The following AKAP1 variants were observed in gnomAD, a reference collection of about 807,000 sequenced individuals.
AKAP1 encodes A-kinase anchoring protein 1.
A neutral mutation model predicts 79.8 loss-of-function variants in AKAP1; 32 were observed. The ratio of observed to expected loss-of-function variants is 0.40; its 90% CI spans 0.30 to 0.54. AKAP1 has a LOEUF of 0.54. Among genes scored for constraint, AKAP1 ranks in the 20% least tolerant of loss-of-function variants. AKAP1 has a pLI of 0.47. For missense variants in AKAP1, 961 were observed against 1,138.9 expected, an observed-to-expected ratio of 0.84 and a Z score of 2.25; for synonymous variants, 416 against 466.7, an observed-to-expected ratio of 0.89 and a Z score of 1.40.
intron 2 of AKAP1, among the ~76,000 whole-genome samples, 169 bp downstream of exon 2, chr17:57,107,347 A>C (rs977678625): frequency 6.6e-6 from 1 of 152,146 alleles, no homozygotes; most frequent in African/African-American, 2.4e-5. Context: ...CTGGTGGGTA[A>C]CTGAGGAGTT....
chr17:57,114,382 C>G (rs1915446793), intron 5 of AKAP1, 77 bp from the exon 6 acceptor site: 1 of 1,538,114 alleles, frequency 6.5e-7, no homozygotes. Flanking sequence ...CAGAGACTTG[C>G]CCTTGGGTCT....
At chr17:57,116,520 A>C (rs1358194150) in intron 7 of AKAP1, among the ~76,000 whole-genome samples, 1 of 152,216 alleles carries the variant, frequency 6.6e-6, no homozygotes, top group Non-Finnish European at 1.5e-5. Flanking sequence ...GGCCTGCTGC[A>C]AATCCCAGCG....
chr17:57,099,851 G>A (rs1208205341), intron 1 of AKAP1, among the ~76,000 whole-genome samples: 1 of 152,148 alleles, frequency 6.6e-6, no homozygotes, highest in Admixed American at 6.5e-5. Flanking sequence ...ACTGGGTATG[G>A]GTGGCCCAGG....
rs376035654 is a variant in AKAP1 at position 57,106,584 on chromosome 17, C to T, written c.1120C>T (p.Arg374Cys). 7.0e-5 allele frequency: 113 copies of T among 1,614,024 alleles called. No homozygotes were observed. The highest frequency in any genetic ancestry group is 1.7e-5 in the Non-Finnish European group (20 of 1,180,038). ...CACCACGGTTGGCAAGGTTGCAGGT[C>T]GTGTGTGTCAGGCCAGTCAGCTCCA... ...LATTVGKVAG[R>C]VCQASQLQGQ... Residue 374 changes from arginine to cysteine, a missense_variant, in exon 2 of 11, where the codon CGT becomes TGT. Coordinates refer to ENST00000337714, the MANE Select transcript of AKAP1 (RefSeq NM_003488.4).
At chr17:57,101,198 A>C (rs186818045) in intron 1 of AKAP1, among the ~76,000 whole-genome samples, 2 of 152,268 alleles carry the variant, frequency 1.3e-5, no homozygotes, top group Admixed American at 1.3e-4. Flanking sequence ...GTTATTACAG[A>C]ACAGTGATTC....
Position 57,111,858 on chromosome 17 carries a change from T to G in AKAP1, c.1909T>G (p.Ser637Ala), listed in dbSNP as rs778264686. The G allele has an allele frequency of 1.2e-6, 2 of 1,613,850 alleles. No homozygotes were observed. Among genetic ancestry groups the G allele is most frequent in the Non-Finnish European group, 1.7e-6 (2 of 1,179,956 alleles). ...CTATGTGAGTTTTCTGAAGCAAACA[T>G]CTGGTGCCAAGATCTACATTTCAAC... ...GRYVSFLKQTSGAKIYISTLP... is the reference protein window; with the variant it reads ...GRYVSFLKQTAGAKIYISTLP... Residue 637 changes from serine to alanine, a missense_variant, in exon 4 of 11, where the codon TCT becomes GCT. Transcript: ENST00000337714.
intron 8 of AKAP1, among the ~76,000 whole-genome samples, chr17:57,117,408 A>G (rs1915653561): frequency 6.6e-6 from 1 of 152,060 alleles, no homozygotes; most frequent in African/African-American, 2.4e-5. Flanking sequence ...GAACATGGGA[A>G]TGGTACCTGT....
chr17:57,110,271 G>A, intron 3 of AKAP1, 113 bp downstream of exon 3: 1 of 1,446,618 alleles, frequency 6.9e-7, no homozygotes, highest in East Asian at 2.3e-5. Context: ...AAACCAGAAG[G>A]AGCCCTGGGT....
chr17:57,087,663 CT>C (rs1459395508), intron 1 of AKAP1, among the ~76,000 whole-genome samples: 1 of 152,186 alleles, frequency 6.6e-6, no homozygotes, highest in African/African-American at 2.4e-5. Context: ...CTGAGACTGA[CT>C]TTGTTTCTCT....
chr17:57,106,742 A>T lies in AKAP1; in HGVS notation c.1278A>T (p.Ala426=). 3 of 1,614,026 alleles carry T rather than the reference A, an allele frequency of 1.9e-6. No individual in the cohort carries two copies. The highest frequency in any genetic ancestry group is 2.5e-6 in the Non-Finnish European group (3 of 1,180,030). ...GCCTCCCCTTGCCAGGCCTACCAGC[A>T]GAGGGCTCACCACCACCAAAGACCT... The part of the protein sequence containing the change: ...DAGLPLPGLP[A]EGSPPPKTYV... Residue 426 remains alanine (A), a synonymous_variant, in exon 2 of 11, where the codon GCA becomes GCT. Coordinates refer to ENST00000337714, the MANE Select transcript of AKAP1 (RefSeq NM_003488.4).
chr17:57,094,773 A>G (rs1427515933), intron 1 of AKAP1: 1 of 151,738 alleles, frequency 6.6e-6, no homozygotes, highest in Non-Finnish European at 1.5e-5. Context: ...ACTATGCCCG[A>G]CTAATTCTTT....
chr17:57,118,472 G>A lies in AKAP1; in HGVS notation c.2574+18G>A, dbSNP rs1915724876. On this transcript the variant is annotated intron_variant, in intron 9 of 10. Transcript: ENST00000337714. ...TTGCTCAGGTGTGTGGTTGGCAGGG[G>A]TGGGGGAGGCAGGCTGGCTGGGTTC... 1 of 1,613,412 alleles carries A rather than the reference G, an allele frequency of 6.2e-7. No homozygotes were observed. Among genetic ancestry groups the A allele is most frequent in the South Asian group, 1.1e-5 (1 of 91,074 alleles).
At chr17:57,088,652 T>C (rs1913599643) in intron 1 of AKAP1, among the ~76,000 whole-genome samples, 1 of 152,244 alleles carries the variant, frequency 6.6e-6, no homozygotes, top group African/African-American at 2.4e-5. Flanking sequence ...TTTCTCCTAA[T>C]CTTTCTGCTG....
At chr17:57,085,845 C>T (rs1913410500) in intron 1 of AKAP1, 1 of 152,846 alleles carries the variant, frequency 6.5e-6, no homozygotes, top group Admixed American at 6.5e-5. Flanking sequence ...CGCCCAGCCC[C>T]GCGGGCGTTT....
At chr17:57,111,349 G>T (rs1915235158) in intron 3 of AKAP1, among the ~76,000 whole-genome samples, 1 of 152,350 alleles carries the variant, frequency 6.6e-6, no homozygotes, top group Non-Finnish European at 1.5e-5. Flanking sequence ...TTTATCTTTG[G>T]ATCTGAGTAG....
Position 57,105,716 on chromosome 17 carries a change from C to T in AKAP1, c.252C>T (p.Thr84=), listed in dbSNP as rs765205035. 18 of 1,614,170 alleles carry T rather than the reference C, an allele frequency of 1.1e-5. No individual in the cohort carries two copies. The South Asian group carries it at 1.2e-4, about 11-fold the overall frequency. Residue 84 remains threonine, a synonymous_variant, in exon 2 of 11, where the codon ACC becomes ACT. Coordinates refer to ENST00000337714, the MANE Select transcript of AKAP1 (RefSeq NM_003488.4). ...VTEPPEKELS[T]VSKLPAEPPA... ...AGCCTCCAGAAAAGGAACTGTCCACCGTGAGCAAGCTGCCTGCAGAGCCCC... is the reference window on the plus strand; with the variant it reads ...AGCCTCCAGAAAAGGAACTGTCCACTGTGAGCAAGCTGCCTGCAGAGCCCC...
At chr17:57,110,812 A>T (rs1374581414) in intron 3 of AKAP1, among the ~76,000 whole-genome samples, 1 of 152,210 alleles carries the variant, frequency 6.6e-6, no homozygotes, top group East Asian at 1.9e-4. Flanking sequence ...AGTTTACTTC[A>T]TCAGTCCCCC....
chr17:57,117,864 G>C (rs1376658351), intron 8 of AKAP1, among the ~76,000 whole-genome samples: 1 of 152,136 alleles, frequency 6.6e-6, no homozygotes, highest in Non-Finnish European at 1.5e-5. Context: ...GCTGAATGCT[G>C]CCGCAGCGCC....
At chr17:57,085,711 C>G (rs1475885368) in intron 1 of AKAP1, 1 of 152,330 alleles carries the variant, frequency 6.6e-6, no homozygotes, top group African/African-American at 2.4e-5. Flanking sequence ...CCTCCCCACG[C>G]GCGTCACTGT....
Sources: gnomAD v4.1 joint callset for allele counts (sites outside exome capture counted in the v4.1 genomes callset) on GRCh38, gnomAD v4.1.1 for gene constraint, MANE v1.5 for transcripts, NCBI Gene and HGNC (gene_info 2026-07-23, HGNC 2026-07-21) for gene names.